The following TBC1D5 variants were observed in gnomAD, a reference collection of about 807,000 sequenced individuals.
TBC1D5 encodes TBC1 domain family member 5.
A neutral mutation model predicts 100.3 loss-of-function variants in TBC1D5; 75 were observed. That is an observed-to-expected ratio of 0.75 (90% confidence interval 0.62 to 0.91). The LOEUF is 0.91. TBC1D5 is among the 40% of genes least tolerant of loss of function. The pLI, the probability that TBC1D5 is intolerant of heterozygous loss-of-function variation, is 0.00. For missense variants in TBC1D5, 910 were observed against 942.4 expected (o/e 0.97, Z 0.45); for synonymous variants, 323 against 325.6 (o/e 0.99, Z 0.09).
At chr3:17,675,575 T>C (rs1220547726) in intron 1 of TBC1D5, among the ~76,000 whole-genome samples, 1 of 152,152 alleles carries the variant, frequency 6.6e-6, no homozygotes, top group African/African-American at 2.4e-5. Flanking sequence ...TTTTAACTTA[T>C]ATGAAAGGAG....
chr3:17,696,406 G>T (rs1288796818), intron 1 of TBC1D5, among the ~76,000 whole-genome samples: 1 of 152,110 alleles, frequency 6.6e-6, no homozygotes, highest in Non-Finnish European at 1.5e-5. Flanking sequence ...AATAAAAAAT[G>T]ATAAAGGGGA....
intron 1 of TBC1D5, among the ~76,000 whole-genome samples, chr3:17,738,289 T>C (rs1333852039): frequency 6.6e-6 from 1 of 152,172 alleles, no homozygotes; most frequent in African/African-American, 2.4e-5. Context: ...TCAGTCTTGA[T>C]TATATAGATA....
chr3:17,651,709 A>C (rs1427294496), intron 1 of TBC1D5, among the ~76,000 whole-genome samples: 1 of 152,074 alleles, frequency 6.6e-6, no homozygotes, highest in Non-Finnish European at 1.5e-5. Flanking sequence ...AAAAAAAAAA[A>C]ATTTTTTTTT....
chr3:17,632,053 A>G (rs575418371), intron 1 of TBC1D5, among the ~76,000 whole-genome samples: 2 of 152,358 alleles, frequency 1.3e-5, no homozygotes, highest in Non-Finnish European at 2.9e-5. Context: ...GGGCAAAGTC[A>G]ATTGAAACCT....
Position 17,650,460 on chromosome 3 carries a change from C to A in TBC1D5, c.-100-26547G>T, listed in dbSNP as rs1249211226. ...GCCTAAATAAGACACCTTTTTATTACTTTAATAAATTTCAACAATAATATA... is the reference window on the plus strand; with the variant it reads ...GCCTAAATAAGACACCTTTTTATTAATTTAATAAATTTCAACAATAATATA... On this transcript the variant is annotated intron_variant, in intron 1 of 21. Coordinates refer to ENST00000253692, the Ensembl canonical transcript of TBC1D5. Among the ~76,000 whole-genome samples, 3 of 152,084 alleles carry A rather than the reference C, an allele frequency of 2.0e-5. No individual in the cohort carries two copies. In the East Asian group the frequency reaches 5.8e-4, roughly 29 times the overall value.
At chr3:17,457,307 A>G (rs2095109945) in intron 3 of TBC1D5, among the ~76,000 whole-genome samples, 1 of 151,512 alleles carries the variant, frequency 6.6e-6, no homozygotes, top group Non-Finnish European at 1.5e-5. Flanking sequence ...TTTTTCCAAG[A>G]CTCCAATTAC....
rs763953396 is a variant in TBC1D5, at chr3:17,428,537, G to T, written c.98-18C>A. ...TGAATCTCCTGGAGAAAAAAATTAC[G>T]ACACTGAAATAATGGAGATAAACTG... On this transcript the variant is annotated intron_variant, in intron 3 of 21. Coordinates refer to ENST00000253692, the Ensembl canonical transcript of TBC1D5. 7 of 1,380,936 alleles carry T rather than the reference G, an allele frequency of 5.1e-6. No individual in the cohort carries two copies. The highest frequency in any genetic ancestry group is 6.8e-6 in the Non-Finnish European group (7 of 1,028,352). The allele number at this position is 1,380,936 out of a possible 1,614,324, so 85.5% of individuals were successfully genotyped here.
chr3:17,299,498 C>G (rs190188306), intron 14 of TBC1D5, among the ~76,000 whole-genome samples: 1 of 152,124 alleles, frequency 6.6e-6, no homozygotes, highest in East Asian at 1.9e-4. Context: ...CAAGAGTGAA[C>G]CCTAATGTAA....
At chr3:17,505,677 A>G (rs1427381688) in intron 3 of TBC1D5, among the ~76,000 whole-genome samples, 1 of 152,162 alleles carries the variant, frequency 6.6e-6, no homozygotes, top group Non-Finnish European at 1.5e-5. Context: ...AAATAAAGTG[A>G]TTACTTCTTC....
At chr3:17,570,236 T>A (rs1467292651) in intron 2 of TBC1D5, among the ~76,000 whole-genome samples, 1 of 151,992 alleles carries the variant, frequency 6.6e-6, no homozygotes, top group African/African-American at 2.4e-5. Context: ...ATACAATATA[T>A]AAATTTGAAG....
At chr3:17,427,237 A>C (rs1411336957) in intron 4 of TBC1D5, among the ~76,000 whole-genome samples, 1 of 151,994 alleles carries the variant, frequency 6.6e-6, no homozygotes, top group African/African-American at 2.4e-5. Flanking sequence ...ATGGAACATA[A>C]GCCTTTTGTA....
chr3:17,289,323 C>A (rs1038293217), intron 15 of TBC1D5, among the ~76,000 whole-genome samples: 7 of 152,064 alleles, frequency 4.6e-5, no homozygotes, highest in African/African-American at 1.7e-4. Flanking sequence ...GTGCCTCCTG[C>A]GGCAGGCCCA....
At position 17,710,531 on chromosome 3, in the gene TBC1D5, TC is replaced by T. The variant is rs374087849; in HGVS notation, c.-101+28811del. Among the ~76,000 whole-genome samples, 125 of 151,718 alleles carry T rather than the reference TC, an allele frequency of 8.2e-4. 1 individual carries two copies. In the East Asian group the frequency reaches 0.017, roughly 21 times the overall value. On this transcript the variant is annotated intron_variant, in intron 1 of 21. Coordinates refer to ENST00000253692, the Ensembl canonical transcript of TBC1D5. Reference sequence around the variant, plus strand: ...GTGAGCTGAGATCGTGCCATTGGGCTCCAGCCTGGGCAACAAGAGCAAAACT... The same window carrying T: ...GTGAGCTGAGATCGTGCCATTGGGCTCAGCCTGGGCAACAAGAGCAAAACT...
chr3:17,741,905 C>G (rs1306770666), upstream of TBC1D5, among the ~76,000 whole-genome samples: 1 of 149,472 alleles, frequency 6.7e-6, no homozygotes, highest in Non-Finnish European at 1.5e-5. Flanking sequence ...GTCACGGTTC[C>G]CTTCCTCAAA....
Position 17,259,712 on chromosome 3 carries a change from C to CGG in TBC1D5, c.1246-1123_1246-1122dup, listed in dbSNP as rs35911600. ...GCACTGATACACTTGCATGCAGGCACGGGGGGGGTTGCGGGGGGATATAAT... is the reference window on the plus strand; with the variant it reads ...GCACTGATACACTTGCATGCAGGCACGGGGGGGGGGTTGCGGGGGGATATAAT... On this transcript the variant is annotated intron_variant, in intron 15 of 21. Transcript: ENST00000253692. 8.3e-3 allele frequency among the ~76,000 whole-genome samples: 951 copies of CGG among 114,770 alleles called. 14 individuals carry two copies. The highest frequency in any genetic ancestry group is 0.03 in the African/African-American group (880 of 29,396). The allele number at this position is 114,770 out of a possible 152,430, so 75.3% of individuals were successfully genotyped here.
At chr3:17,387,597 TTGA>T (rs958492898) in intron 8 of TBC1D5, among the ~76,000 whole-genome samples, 1 of 151,922 alleles carries the variant, frequency 6.6e-6, no homozygotes, top group Non-Finnish European at 1.5e-5. Flanking sequence ...TAATCTGTTT[TTGA>T]TGATATGTTG....
At chr3:17,636,237 T>C (rs2063916147) in intron 1 of TBC1D5, among the ~76,000 whole-genome samples, 1 of 152,076 alleles carries the variant, frequency 6.6e-6, no homozygotes, top group South Asian at 2.1e-4. Flanking sequence ...CATATAAGCA[T>C]ATTGATGGGA....
At chr3:17,721,680 GTAATAA>G (rs1008656984) in intron 1 of TBC1D5, among the ~76,000 whole-genome samples, 1 of 142,358 alleles carries the variant, frequency 7.0e-6, no homozygotes, top group Non-Finnish European at 1.5e-5. Flanking sequence ...TCAAAAAATA[GTAATAA>G]TAATAATAAT....
intron 4 of TBC1D5, among the ~76,000 whole-genome samples, chr3:17,408,665 T>G (rs755146215): frequency 2.0e-5 from 3 of 152,174 alleles, no homozygotes; most frequent in Non-Finnish European, 2.9e-5. Flanking sequence ...ATACTGCTTT[T>G]TAGTGTGCCT....
Sources: gnomAD v4.1 joint callset for allele counts (sites outside exome capture counted in the v4.1 genomes callset) on GRCh38, gnomAD v4.1.1 for gene constraint, MANE v1.5 for transcripts, NCBI Gene and HGNC (gene_info 2026-07-23, HGNC 2026-07-21) for gene names.